Variants in UBE2D1 observed in about 807,000 individuals in gnomAD.
UBE2D1 encodes the protein ubiquitin-conjugating enzyme E2 D1.
UBE2D1 carries 9 observed loss-of-function variants against 24.6 expected under a neutral mutation model. The ratio of observed to expected loss-of-function variants is 0.37; its 90% CI spans 0.22 to 0.64. The LOEUF (loss-of-function observed/expected upper bound fraction) is 0.64. UBE2D1 is among the 30% of genes least tolerant of loss of function. The pLI is 0.64. For missense variants in UBE2D1, 87 were observed against 177.1 expected (o/e 0.49, Z 2.89); for synonymous variants, 57 against 57.6 (o/e 0.99, Z 0.04).
intron 1 of UBE2D1, among the ~76,000 whole-genome samples, chr10:58,351,638 C>CT (rs1840078360): frequency 6.6e-6 from 1 of 152,138 alleles, no homozygotes; most frequent in African/African-American, 2.4e-5. Flanking sequence ...TTTTACCGTT[C>CT]TTTTTTTATT....
intron 1 of UBE2D1, among the ~76,000 whole-genome samples, chr10:58,339,827 T>C (rs1815270196): frequency 6.6e-6 from 1 of 152,082 alleles, no homozygotes; most frequent in African/African-American, 2.4e-5. Context: ...ACAAAAATAG[T>C]TGCAGTTACA....
At chr10:58,359,461 A>G (rs1840170470) in intron 1 of UBE2D1, among the ~76,000 whole-genome samples, 1 of 152,182 alleles carries the variant, frequency 6.6e-6, no homozygotes, top group South Asian at 2.1e-4. Flanking sequence ...GATATATGCA[A>G]TGATTTTCCA....
At chr10:58,355,206 A>G (rs1372944881) in intron 1 of UBE2D1, among the ~76,000 whole-genome samples, 2 of 152,216 alleles carry the variant, frequency 1.3e-5, no homozygotes, top group South Asian at 2.1e-4. Flanking sequence ...AGAAAACCCA[A>G]GGGGGTTCTT....
chr10:58,361,915 A>C (rs900596317), intron 3 of UBE2D1, among the ~76,000 whole-genome samples: 1 of 152,070 alleles, frequency 6.6e-6, no homozygotes, highest in Non-Finnish European at 1.5e-5. Flanking sequence ...GAATTCCTAC[A>C]AGTAACAAGT....
chr10:58,356,690 A>G (rs529940567), intron 1 of UBE2D1, among the ~76,000 whole-genome samples: 1 of 152,156 alleles, frequency 6.6e-6, no homozygotes, highest in Non-Finnish European at 1.5e-5. Flanking sequence ...TCCCTCCAAC[A>G]GTGAGTGACA....
At chr10:58,337,409 G>C (rs1839914675) in intron 1 of UBE2D1, among the ~76,000 whole-genome samples, 1 of 152,052 alleles carries the variant, frequency 6.6e-6, no homozygotes, top group South Asian at 2.1e-4. Context: ...CCAATTCTAG[G>C]TTAGATGTGC....
intron 1 of UBE2D1, among the ~76,000 whole-genome samples, chr10:58,345,386 G>C (rs1254593369): frequency 1.3e-5 from 2 of 152,054 alleles, no homozygotes; most frequent in African/African-American, 4.8e-5. Context: ...GAGGTGGGAG[G>C]ATCACTTGAG....
At position 58,370,213 on chromosome 10, in the gene UBE2D1, T is replaced by C. The variant is rs1292439500; in HGVS notation, c.*1448T>C. 1 of 152,138 alleles carries C rather than the reference T, an allele frequency of 6.6e-6. No homozygotes were observed. Among genetic ancestry groups the C allele is most frequent in the Non-Finnish European group, 1.5e-5 (1 of 67,910 alleles). The allele number at this position is 152,138 out of a possible 1,614,324, so 9.4% of individuals were successfully genotyped here. ...ATGTTTTAACTTGGGGAAAAATACA[T>C]CTCTTTAATGTTTAGCATGCTTGTC... On this transcript the variant is annotated 3_prime_UTR_variant, in exon 7 of 7. Transcript: ENST00000373910.
At chr10:58,361,860 C>T (rs1435373029) in intron 3 of UBE2D1, among the ~76,000 whole-genome samples, 2 of 150,892 alleles carry the variant, frequency 1.3e-5, no homozygotes, top group Admixed American at 6.6e-5. Flanking sequence ...TTCTCACATC[C>T]ACAGTTTTGG....
intron 5 of UBE2D1, among the ~76,000 whole-genome samples, chr10:58,367,429 C>T (rs1188236346): frequency 6.6e-6 from 1 of 152,030 alleles, no homozygotes; most frequent in Non-Finnish European, 1.5e-5. Context: ...TAGCTGTTCA[C>T]ATTATTTTTA....
At chr10:58,356,591 G>T (rs1361047786) in intron 1 of UBE2D1, among the ~76,000 whole-genome samples, 2 of 152,070 alleles carry the variant, frequency 1.3e-5, no homozygotes, top group African/African-American at 4.8e-5. Flanking sequence ...ATTTCTATGA[G>T]GTGAAATTGC....
At chr10:58,364,923 G>A in intron 5 of UBE2D1, 47 bp downstream of exon 5, 1 of 1,422,920 alleles carries the variant, frequency 7.0e-7, no homozygotes. Context: ...AGTGAGACAG[G>A]AAAAATACAG....
intron 3 of UBE2D1, 131 bp from the exon 4 acceptor site, chr10:58,363,478 G>T: frequency 1.7e-6 from 1 of 581,508 alleles, no homozygotes; most frequent in Non-Finnish European, 2.9e-6. Flanking sequence ...TTTTCATATT[G>T]GTAATATTTA....
At chr10:58,368,448 T>C in intron 6 of UBE2D1, 1 of 295,902 alleles carries the variant, frequency 3.4e-6, no homozygotes, top group Non-Finnish European at 6.3e-6. Context: ...AGGATTGGCT[T>C]TTGTAAATTT....
At chr10:58,367,689 A>T (rs537542302) in intron 5 of UBE2D1, among the ~76,000 whole-genome samples, 3 of 152,270 alleles carry the variant, frequency 2.0e-5, no homozygotes, top group Admixed American at 2.0e-4. Flanking sequence ...GGAATTTAAA[A>T]CTTCAAAAGC....
chr10:58,363,619 C>A lies in UBE2D1; in HGVS notation c.131C>A (p.Ala44Glu). 1 of 1,609,646 alleles carries A rather than the reference C, an allele frequency of 6.2e-7. No individual in the cohort carries two copies. Among genetic ancestry groups the A allele is most frequent in the Non-Finnish European group, 8.5e-7 (1 of 1,178,076 alleles). ...QATIMGPPDS[A>E]YQGGVFFLTV... is the part of the protein sequence containing the mutation. ...CTTTTGTAATTTCAGCCTGATAGCGCATATCAAGGTGGAGTCTTCTTTCTC... is the reference window on the plus strand; with the variant it reads ...CTTTTGTAATTTCAGCCTGATAGCGAATATCAAGGTGGAGTCTTCTTTCTC... The change falls in exon 4 of 7, where the codon GCA becomes GAA. Residue 44 changes from alanine (A) to glutamate (E), a missense_variant. Coordinates refer to ENST00000373910, the MANE Select transcript of UBE2D1 (RefSeq NM_003338.5).
chr10:58,356,557 G>A (rs1424894656), intron 1 of UBE2D1, among the ~76,000 whole-genome samples: 1 of 152,004 alleles, frequency 6.6e-6, no homozygotes, highest in African/African-American at 2.4e-5. Flanking sequence ...CCTTATATAT[G>A]TATCTTTAGC....
At chr10:58,361,588 A>G in intron 3 of UBE2D1, 62 bp downstream of exon 3, 1 of 1,601,906 alleles carries the variant, frequency 6.2e-7, no homozygotes, top group Non-Finnish European at 8.5e-7. Flanking sequence ...TTGCCATTTC[A>G]CCTTTGATCA....
chr10:58,353,046 T>A (rs988682779), intron 1 of UBE2D1, among the ~76,000 whole-genome samples: 2 of 152,172 alleles, frequency 1.3e-5, no homozygotes, highest in Non-Finnish European at 2.9e-5. Flanking sequence ...AGGACCTCTT[T>A]GCTATAACTT....
Sources: gnomAD v4.1 joint callset for allele counts (sites outside exome capture counted in the v4.1 genomes callset) on GRCh38, gnomAD v4.1.1 for gene constraint, MANE v1.5 for transcripts, NCBI Gene and HGNC (gene_info 2026-07-23, HGNC 2026-07-21) for gene names.